The following SEC24D variants were observed in gnomAD, a reference collection of about 807,000 sequenced individuals.
SEC24D encodes the protein protein transport protein Sec24D.
A neutral mutation model predicts 116.9 loss-of-function variants in SEC24D; 69 were observed. The observed-to-expected ratio is 0.59, with a 90% CI of 0.49 to 0.72. SEC24D has a LOEUF of 0.72. SEC24D is among the 30% of genes least tolerant of loss of function. The probability of loss-of-function intolerance (pLI) is 0.00; values close to 1 mark genes in which losing one functional copy is unlikely to be tolerated. For synonymous variants in SEC24D, 405 were observed against 442.8 expected (o/e 0.91, Z 1.07); for missense variants, 1,131 against 1,264.1 (o/e 0.89, Z 1.60).
At chr4:118,729,115 A>G (rs1330234681) in intron 21 of SEC24D, 1 of 152,094 alleles carries the variant, frequency 6.6e-6, no homozygotes, top group Non-Finnish European at 1.5e-5. Context: ...GTTATAAGTA[A>G]TCTTTTTTTT....
intron 20 of SEC24D, among the ~76,000 whole-genome samples, chr4:118,732,293 C>G (rs1452752065): frequency 6.6e-6 from 1 of 152,020 alleles, no homozygotes; most frequent in Non-Finnish European, 1.5e-5. Flanking sequence ...CATACCACCA[C>G]GCCCGGCTAA....
In SEC24D at chr4:118,750,632, T is replaced by C. The variant is rs1726776483; in HGVS notation, c.1707+1364A>G. Among the ~76,000 whole-genome samples, 3 of 152,198 alleles carry C rather than the reference T, an allele frequency of 2.0e-5. No homozygotes were observed. In the South Asian group the frequency reaches 6.2e-4, roughly 31 times the overall value. On this transcript the variant is annotated intron_variant, in intron 13 of 22. Coordinates refer to ENST00000280551, the MANE Select transcript of SEC24D (RefSeq NM_014822.4). ...CTTATTGTGTACAGGAACATTTACA[T>C]ATGGATTTCTAGATACCTTATTGGA...
At chr4:118,810,191 T>C (rs745639291) in intron 6 of SEC24D, among the ~76,000 whole-genome samples, 7 of 149,808 alleles carry the variant, frequency 4.7e-5, no homozygotes, top group Non-Finnish European at 1.0e-4. Flanking sequence ...CTGCAGACTA[T>C]TGTAAGAACT....
chr4:118,822,755 G>A (rs1730451010), intron 3 of SEC24D, among the ~76,000 whole-genome samples: 1 of 150,142 alleles, frequency 6.7e-6, no homozygotes, highest in African/African-American at 2.4e-5. Flanking sequence ...ATTTTTTTTT[G>A]TAGAGATGGG....
rs566115513 is a variant in SEC24D at position 118,805,811 on chromosome 4, C to A, written c.913+32G>T. On this transcript the variant is annotated intron_variant, in intron 7 of 22. Transcript: ENST00000280551. ...TTAAAAACGGTGAGAAATTTTAAAA[C>A]CTTAATAAATGGCATAATTAAAAAC... is the stretch of plus-strand genomic sequence containing the variant. 7.5e-6 allele frequency: 10 copies of A among 1,334,128 alleles called. No individual in the cohort carries two copies. The East Asian group carries it at 2.4e-4, about 31-fold the overall frequency. 82.6% of individuals were successfully genotyped at this position (1,334,128 alleles called of 1,614,324 possible).
intron 6 of SEC24D, among the ~76,000 whole-genome samples, chr4:118,813,371 T>C (rs115860303): frequency 0.044 from 6,648 of 152,284 alleles, 202 homozygotes; most frequent in Non-Finnish European, 0.064. Context: ...AACAGTAATT[T>C]ATAAAGAAAA....
At position 118,744,083 on chromosome 4, in the gene SEC24D, G is replaced by C; in HGVS notation, c.1900C>G (p.Leu634Val). The part of the protein sequence containing the change: ...DCVAHGCSVT[L>V]FLFPSQYVDV... ...ACATACTGACTAGGAAAGAGGAAGA[G>C]TGTCACAGAGCAGCCGTGAGCCACG... Residue 634 changes from leucine (L) to valine (V), a missense_variant, in exon 15 of 23, where the codon CTC becomes GTC. Transcript: ENST00000280551. 2 of 1,613,586 alleles carry C rather than the reference G, an allele frequency of 1.2e-6. No homozygotes were observed. Among genetic ancestry groups the C allele is most frequent in the Non-Finnish European group, 1.7e-6 (2 of 1,179,692 alleles).
chr4:118,771,361 G>A (rs1727892461), intron 8 of SEC24D, among the ~76,000 whole-genome samples: 1 of 152,130 alleles, frequency 6.6e-6, no homozygotes, highest in African/African-American at 2.4e-5. Context: ...AAAAGTGAAA[G>A]GATAGAAAGA....
intron 4 of SEC24D, chr4:118,816,815 G>T (rs941663318): frequency 2.2e-6 from 1 of 455,550 alleles, no homozygotes; most frequent in East Asian, 7.0e-5. Flanking sequence ...TCTCTTTTCT[G>T]CCTCACAACA....
At chr4:118,809,896 T>A (rs1255216115) in intron 6 of SEC24D, among the ~76,000 whole-genome samples, 2 of 151,960 alleles carry the variant, frequency 1.3e-5, no homozygotes. Flanking sequence ...ATGAGGACAT[T>A]AAGGAAATGA....
intron 3 of SEC24D, among the ~76,000 whole-genome samples, chr4:118,820,165 C>T (rs1334538091): frequency 6.7e-6 from 1 of 149,802 alleles, no homozygotes; most frequent in African/African-American, 2.4e-5. Flanking sequence ...CTTAAACATA[C>T]AAATTAGTTT....
chr4:118,731,406 G>C lies in SEC24D; in HGVS notation c.2778C>G (p.His926Gln). 1 of 1,614,072 alleles carries C rather than the reference G, an allele frequency of 6.2e-7. No homozygotes were observed. The part of the protein sequence containing the change: ...EGIFLLANGL[H>Q]MFLWLGVSSP... ...TGCTTACTCCCAACCACAGGAACATGTGTAGACCATTAGCCAGTAAGAATA... is the reference window on the plus strand; with the variant it reads ...TGCTTACTCCCAACCACAGGAACATCTGTAGACCATTAGCCAGTAAGAATA... The change falls in exon 21 of 23, where the codon CAC (histidine) becomes CAG (glutamine). Residue 926 changes from histidine to glutamine, a missense_variant. Coordinates refer to ENST00000280551, the MANE Select transcript of SEC24D (RefSeq NM_014822.4).
intron 10 of SEC24D, among the ~76,000 whole-genome samples, chr4:118,761,006 C>A (rs1346109653): frequency 6.6e-6 from 1 of 151,996 alleles, no homozygotes; most frequent in Admixed American, 6.6e-5. Flanking sequence ...CATGAGCCAC[C>A]GCACCTGGCC....
intron 2 of SEC24D, among the ~76,000 whole-genome samples, chr4:118,827,081 A>G (rs895801441): frequency 1.3e-5 from 2 of 152,170 alleles, no homozygotes; most frequent in African/African-American, 4.8e-5. Context: ...AGAAGACAGG[A>G]TAAGGGATTC....
In SEC24D at chr4:118,723,511, T is replaced by A; in HGVS notation, c.*4A>T. ...ATGCAACATCAATGACAGAGAAGTT[T>A]CAATTAATTAAGCAGCTGACAGATC... is the stretch of plus-strand genomic sequence containing the variant. On this transcript the variant is annotated 3_prime_UTR_variant, in exon 23 of 23. Coordinates refer to ENST00000280551, the MANE Select transcript of SEC24D (RefSeq NM_014822.4). The A allele has an allele frequency of 6.2e-7, 1 of 1,606,372 alleles. No homozygotes were observed. Among genetic ancestry groups the A allele is most frequent in the Non-Finnish European group, 8.5e-7 (1 of 1,177,576 alleles).
intron 7 of SEC24D, among the ~76,000 whole-genome samples, chr4:118,803,888 T>C (rs1401741388): frequency 6.6e-6 from 1 of 152,206 alleles, no homozygotes; most frequent in Non-Finnish European, 1.5e-5. Flanking sequence ...ACATACTAAG[T>C]ACTTGCAATT....
chr4:118,724,660 AG>A (rs1365058738), intron 22 of SEC24D, among the ~76,000 whole-genome samples: 1 of 152,220 alleles, frequency 6.6e-6, no homozygotes, highest in Non-Finnish European at 1.5e-5. Context: ...AGAAACCCAC[AG>A]GGAAGAAGCC....
rs183254685 is a variant in SEC24D at position 118,734,272 on chromosome 4, G to A, written c.2497-1360C>T. On this transcript the variant is annotated intron_variant, in intron 19 of 22. Transcript: ENST00000280551. ...TCTGTTGCCCAGGCTGGAGTGCAGC[G>A]GCGCAATCTCGGGTCACTGCAACCT... is the stretch of plus-strand genomic sequence containing the variant. Among the ~76,000 whole-genome samples, 126 of 151,470 alleles carry A rather than the reference G, an allele frequency of 8.3e-4. 1 individual carries two copies. The highest frequency in any genetic ancestry group is 2.9e-3 in the African/African-American group (120 of 41,194).
At chr4:118,778,961 A>G (rs1728272744) in intron 8 of SEC24D, among the ~76,000 whole-genome samples, 2 of 152,216 alleles carry the variant, frequency 1.3e-5, no homozygotes, top group African/African-American at 4.8e-5. Context: ...TTGTATCCTG[A>G]GACTTTGCTG....
Sources: allele counts gnomAD v4.1 joint callset (sites outside exome capture counted in the v4.1 genomes callset), GRCh38; gene constraint gnomAD v4.1.1; transcripts MANE v1.5; gene names NCBI Gene and HGNC (gene_info 2026-07-23, HGNC 2026-07-21).